Variants in MTFMT observed in about 807,000 individuals in gnomAD.
MTFMT encodes the protein mitochondrial methionyl-tRNA formyltransferase, also known as methionyl-tRNA formyltransferase, mitochondrial.
A neutral mutation model predicts 51.8 loss-of-function variants in MTFMT; 47 were observed. The observed-to-expected ratio is 0.91, with a 90% CI of 0.72 to 1.16. The LOEUF (loss-of-function observed/expected upper bound fraction) is 1.16. Ranked by LOEUF, MTFMT falls within the 50% of genes most tolerant of loss-of-function variation. The pLI, the probability that MTFMT is intolerant of heterozygous loss-of-function variation, is 0.00. For missense variants in MTFMT, 512 were observed against 482.3 expected (o/e 1.06, Z -0.58); for synonymous variants, 196 against 176.7 (o/e 1.11, Z -0.87).
At chr15:65,006,322 A>G in intron 6 of MTFMT, 131 bp from the exon 7 acceptor site, 3 of 614,156 alleles carry the variant, frequency 4.9e-6, no homozygotes, top group Non-Finnish European at 9.0e-6. Context: ...ACTAAGTTTG[A>G]TGGAACAGAC....
chr15:65,028,782 A>G (rs571451207), intron 1 of MTFMT, among the ~76,000 whole-genome samples: 15 of 152,320 alleles, frequency 9.8e-5, no homozygotes, highest in African/African-American at 3.1e-4. Flanking sequence ...ATTTCAAATA[A>G]TTTTCTTTCC....
chr15:65,018,334 T>C (rs141191845), intron 5 of MTFMT, among the ~76,000 whole-genome samples: 15 of 152,220 alleles, frequency 9.9e-5, no homozygotes, highest in African/African-American at 3.6e-4. Context: ...TAAATCTTAC[T>C]TAGTATTTTT....
rs966594471 is a variant in MTFMT at position 65,009,417 on chromosome 15, C to T, written c.814-3226G>A. Among the ~76,000 whole-genome samples, 7 of 152,118 alleles carry T rather than the reference C, an allele frequency of 4.6e-5. No individual in the cohort carries two copies. The East Asian group carries it at 1.3e-3, about 29-fold the overall frequency. ...TGATTTCTCTTCCCAAATGTTCCTC[C>T]CCAGACATCCTCATCTCAATTAAAT... On this transcript the variant is annotated intron_variant, in intron 6 of 8. Transcript: ENST00000220058.
At chr15:65,013,263 CTTTT>C (rs2086285529) in intron 6 of MTFMT, among the ~76,000 whole-genome samples, 1 of 147,062 alleles carries the variant, frequency 6.8e-6, no homozygotes, top group Admixed American at 6.9e-5. Context: ...CTTTGTCTTT[CTTTT>C]ATTTTCTTTC....
At chr15:65,021,203 G>A (rs918016108) in intron 4 of MTFMT, among the ~76,000 whole-genome samples, 1 of 152,196 alleles carries the variant, frequency 6.6e-6, no homozygotes, top group East Asian at 1.9e-4. Context: ...TGACAGGGAT[G>A]CAAGGTATAC....
chr15:65,013,858 G>A (rs939540950), intron 6 of MTFMT, among the ~76,000 whole-genome samples: 1 of 151,826 alleles, frequency 6.6e-6, no homozygotes, highest in Non-Finnish European at 1.5e-5. Flanking sequence ...AGGTAGAATT[G>A]CTAGAGCCCA....
chr15:65,012,540 C>T (rs540013427), intron 6 of MTFMT, among the ~76,000 whole-genome samples: 10 of 152,116 alleles, frequency 6.6e-5, no homozygotes, highest in East Asian at 1.9e-4. Context: ...GGACTACAAG[C>T]GTGCACCACC....
intron 7 of MTFMT, among the ~76,000 whole-genome samples, chr15:65,005,240 G>T (rs1369853667): frequency 6.6e-6 from 1 of 152,150 alleles, no homozygotes; most frequent in African/African-American, 2.4e-5. Flanking sequence ...AGCCAACAGG[G>T]GGAAATACAT....
At chr15:65,005,608 A>AT (rs11353130) in intron 7 of MTFMT, among the ~76,000 whole-genome samples, 84 of 120,146 alleles carry the variant, frequency 7.0e-4, no homozygotes, top group African/African-American at 2.5e-3. Flanking sequence ...TCCTGTAATG[A>AT]TTTTTTTTTT....
At chr15:65,018,865 T>C (rs2086346640) in intron 5 of MTFMT, among the ~76,000 whole-genome samples, 1 of 152,232 alleles carries the variant, frequency 6.6e-6, no homozygotes, top group African/African-American at 2.4e-5. Context: ...ATTAATGGCA[T>C]CAACTTCTTA....
rs2086218752 is a variant in MTFMT, at chr15:65,006,267, T to G, written c.814-76A>C. On this transcript the variant is annotated intron_variant, in intron 6 of 8. Transcript: ENST00000220058. ...AACCCTTTTCAACTACTATTTTGTG[T>G]TAATCTGGACTTTTCTTTCAATTAG... 2.6e-6 allele frequency: 3 copies of G among 1,171,574 alleles called. No homozygotes were observed. In the Admixed American group the frequency reaches 5.8e-5, roughly 23 times the overall value. 72.6% of individuals were successfully genotyped at this position (1,171,574 alleles called of 1,614,324 possible). A position where few individuals can be genotyped will look rare whatever the true frequency, so the allele number is the denominator to read the frequency against.
chr15:65,019,710 A>G (rs917008890), intron 5 of MTFMT, among the ~76,000 whole-genome samples: 1 of 152,188 alleles, frequency 6.6e-6, no homozygotes, highest in Non-Finnish European at 1.5e-5. Flanking sequence ...TTTGAAAAAT[A>G]AAACTATAAA....
chr15:65,017,748 T>A (rs2086336111), intron 5 of MTFMT, among the ~76,000 whole-genome samples: 2 of 151,752 alleles, frequency 1.3e-5, no homozygotes, highest in African/African-American at 4.8e-5. Context: ...CAGTAAGCCA[T>A]GATCACACTA....
chr15:65,007,229 C>T (rs1013574311), intron 6 of MTFMT, among the ~76,000 whole-genome samples: 1 of 152,152 alleles, frequency 6.6e-6, no homozygotes, highest in Non-Finnish European at 1.5e-5. Context: ...TAATAAATTC[C>T]ACTCTCCTCA....
At chr15:65,023,527 A>G (rs2086393266) in intron 3 of MTFMT, 145 bp downstream of exon 3, 5 of 669,616 alleles carry the variant, frequency 7.5e-6, no homozygotes, top group Non-Finnish European at 4.9e-6. Context: ...AAACCAGGAG[A>G]AAACAGAAAG....
intron 6 of MTFMT, among the ~76,000 whole-genome samples, chr15:65,008,299 T>C (rs1484744568): frequency 6.6e-6 from 1 of 152,218 alleles, no homozygotes; most frequent in Non-Finnish European, 1.5e-5. Flanking sequence ...TACTAGATAA[T>C]CCATCTTACC....
At chr15:65,018,019 G>A (rs573522105) in intron 5 of MTFMT, among the ~76,000 whole-genome samples, 35 of 152,226 alleles carry the variant, frequency 2.3e-4, no homozygotes, top group African/African-American at 7.7e-4. Flanking sequence ...TATAGAGGGA[G>A]GAATACGGGT....
At chr15:65,011,662 A>G (rs555758833) in intron 6 of MTFMT, among the ~76,000 whole-genome samples, 1 of 151,352 alleles carries the variant, frequency 6.6e-6, no homozygotes, top group Non-Finnish European at 1.5e-5. Flanking sequence ...ATGCCCAGCT[A>G]ATTTTTTACT....
intron 1 of MTFMT, among the ~76,000 whole-genome samples, chr15:65,027,695 TTA>T (rs2086437964): frequency 6.6e-6 from 1 of 152,154 alleles, no homozygotes; most frequent in South Asian, 2.1e-4. Flanking sequence ...ATATATGCTA[TTA>T]TGTGTCTTTT....
Sources: allele counts gnomAD v4.1 joint callset (sites outside exome capture counted in the v4.1 genomes callset), GRCh38; gene constraint gnomAD v4.1.1; transcripts MANE v1.5; gene names NCBI Gene and HGNC (gene_info 2026-07-23, HGNC 2026-07-21).